Variants in INTS4 observed in about 807,000 individuals in gnomAD.
INTS4 encodes the protein integrator complex subunit 4.
A neutral mutation model predicts 119.5 loss-of-function variants in INTS4; 70 were observed. The ratio of observed to expected loss-of-function variants is 0.59; its 90% CI spans 0.48 to 0.71. The LOEUF is 0.71. INTS4 is among the 30% of genes least tolerant of loss of function. INTS4 has a pLI of 0.00. For synonymous variants in INTS4, 316 were observed against 419.6 expected, an observed-to-expected ratio of 0.75 and a Z score of 3.02; for missense variants, 867 against 1,173.2, an observed-to-expected ratio of 0.74 and a Z score of 3.81.
At chr11:77,973,801 T>C (rs182108171) in intron 4 of INTS4, among the ~76,000 whole-genome samples, 1 of 152,238 alleles carries the variant, frequency 6.6e-6, no homozygotes, top group African/African-American at 2.4e-5. Context: ...TCCCACTTGA[T>C]TATGGTATAT....
intron 16 of INTS4, among the ~76,000 whole-genome samples, chr11:77,906,400 C>T (rs1452246751): frequency 3.3e-5 from 5 of 152,134 alleles, no homozygotes; most frequent in Non-Finnish European, 7.3e-5. Flanking sequence ...ATTGAATAAC[C>T]AACAATTATG....
At chr11:77,909,972 G>C (rs1344828016) in intron 15 of INTS4, among the ~76,000 whole-genome samples, 2 of 152,044 alleles carry the variant, frequency 1.3e-5, no homozygotes, top group African/African-American at 2.4e-5. Context: ...TGGAGAAATA[G>C]GAACACTTTT....
chr11:77,928,586 G>A (rs1323767703), intron 10 of INTS4, 39 bp from the exon 11 acceptor site: 18 of 1,546,282 alleles, frequency 1.2e-5, no homozygotes, highest in Non-Finnish European at 1.6e-5. Context: ...ATCAGGCTGG[G>A]CACAGTGGCT....
At chr11:77,899,289 G>A (rs1184489233) in intron 18 of INTS4, among the ~76,000 whole-genome samples, 1 of 151,282 alleles carries the variant, frequency 6.6e-6, no homozygotes, top group African/African-American at 2.4e-5. Flanking sequence ...GAATTAGGGT[G>A]CATAACTTTC....
In INTS4 at chr11:77,960,190, T is replaced by C. The variant is rs763213673; in HGVS notation, c.708+151A>G. Reference sequence around the variant, plus strand: ...ACCTCCATTCTCTTCCTGAAAAGTATGTTTTGAATATGACTTCACATCCAT... The same window carrying C: ...ACCTCCATTCTCTTCCTGAAAAGTACGTTTTGAATATGACTTCACATCCAT... On this transcript the variant is annotated intron_variant, in intron 6 of 22. Coordinates refer to ENST00000534064, the MANE Select transcript of INTS4 (RefSeq NM_033547.4). The C allele has an allele frequency of 9.1e-6, 5 of 548,792 alleles. No homozygotes were observed. In the South Asian group the frequency reaches 1.7e-4, roughly 18 times the overall value. 34.0% of individuals were successfully genotyped at this position (548,792 alleles called of 1,614,324 possible). A position where few individuals can be genotyped will look rare whatever the true frequency, so the allele number is the denominator to read the frequency against.
intron 4 of INTS4, among the ~76,000 whole-genome samples, chr11:77,969,390 A>G (rs1177292137): frequency 1.3e-5 from 2 of 152,060 alleles, no homozygotes; most frequent in Non-Finnish European, 2.9e-5. Flanking sequence ...TTTATGAATG[A>G]ATGAATAAAT....
Position 77,920,292 on chromosome 11 carries a change from T to C in INTS4, c.1764+1048A>G, listed in dbSNP as rs192106520. 1.0e-3 allele frequency among the ~76,000 whole-genome samples: 128 copies of C among 123,506 alleles called. 1 individual carries two copies. The South Asian group carries it at 0.011, about 10-fold the overall frequency. The allele number at this position is 123,506 out of a possible 152,430, so 81.0% of individuals were successfully genotyped here. On this transcript the variant is annotated intron_variant, in intron 14 of 22. Coordinates refer to ENST00000534064, the MANE Select transcript of INTS4 (RefSeq NM_033547.4). ...ACATATATATACACATATATATATA[T>C]ACACACATATATATAAATGTTCCTC...
chr11:77,987,473 G>T, intron 2 of INTS4: 1 of 306,604 alleles, frequency 3.3e-6, no homozygotes, highest in Non-Finnish European at 6.6e-6. Flanking sequence ...GATGATTATT[G>T]GTAACAGATC....
chr11:77,923,491 T>A (rs117980989), intron 12 of INTS4, among the ~76,000 whole-genome samples: 15,296 of 152,152 alleles, frequency 0.1, 1,156 homozygotes, highest in East Asian at 0.26. Flanking sequence ...GGCAAAAACA[T>A]TCTGATTGAT....
downstream of INTS4, among the ~76,000 whole-genome samples, chr11:77,876,252 G>C (rs974921359): frequency 6.6e-6 from 1 of 152,152 alleles, no homozygotes; most frequent in Non-Finnish European, 1.5e-5. Context: ...CCCCTGTGAT[G>C]AAAGTCACCT....
intron 9 of INTS4, among the ~76,000 whole-genome samples, chr11:77,940,844 G>A (rs1312945535): frequency 2.6e-5 from 4 of 151,992 alleles, no homozygotes; most frequent in South Asian, 2.1e-4. Context: ...CATGTTGGCC[G>A]GGCTGGTCTC....
At chr11:77,959,238 T>A (rs1224897293) in intron 6 of INTS4, among the ~76,000 whole-genome samples, 3 of 152,184 alleles carry the variant, frequency 2.0e-5, no homozygotes, top group African/African-American at 7.2e-5. Flanking sequence ...TTCAATCCAC[T>A]CACTCTTTCT....
chr11:77,994,557 G>A, intron 1 of INTS4, 33 bp downstream of exon 1: 1 of 1,527,036 alleles, frequency 6.5e-7, no homozygotes, highest in South Asian at 1.1e-5. Context: ...CCCTGGTCCG[G>A]ATCGGTTCTG....
At chr11:77,984,272 C>T (rs1856367860) in intron 2 of INTS4, among the ~76,000 whole-genome samples, 1 of 152,120 alleles carries the variant, frequency 6.6e-6, no homozygotes, top group Admixed American at 6.5e-5. Context: ...GCAGGCAGAT[C>T]ACCCTACGTC....
At chr11:77,925,861 C>T (rs1487501078) in intron 11 of INTS4, among the ~76,000 whole-genome samples, 1 of 152,198 alleles carries the variant, frequency 6.6e-6, no homozygotes, top group Non-Finnish European at 1.5e-5. Flanking sequence ...GTTGCCTCTA[C>T]CTGAAGTTAT....
intron 8 of INTS4, among the ~76,000 whole-genome samples, chr11:77,945,714 C>T (rs1462080242): frequency 2.0e-5 from 3 of 152,172 alleles, no homozygotes; most frequent in Non-Finnish European, 4.4e-5. Context: ...AAAGCCAATC[C>T]TGCGGCAGCC....
chr11:77,901,244 A>G (rs1165218497), intron 18 of INTS4, 177 bp downstream of exon 18: 7 of 731,932 alleles, frequency 9.6e-6, no homozygotes, highest in Non-Finnish European at 1.6e-5. Context: ...CAAGGGTCTA[A>G]TCTGATCCAA....
chr11:77,916,580 TTCAC>T (rs1953209473), intron 15 of INTS4, among the ~76,000 whole-genome samples: 1 of 152,226 alleles, frequency 6.6e-6, no homozygotes, highest in African/African-American at 2.4e-5. Flanking sequence ...CAAAGCTCCA[TTCAC>T]TCAATCACTA....
At chr11:77,904,043 C>A (rs1358520571) in intron 16 of INTS4, among the ~76,000 whole-genome samples, 4 of 152,180 alleles carry the variant, frequency 2.6e-5, no homozygotes, top group Non-Finnish European at 4.4e-5. Flanking sequence ...ATGTTGTAAG[C>A]CCCAACCACT....
Sources: allele counts gnomAD v4.1 joint callset (sites outside exome capture counted in the v4.1 genomes callset), GRCh38; gene constraint gnomAD v4.1.1; transcripts MANE v1.5; gene names NCBI Gene and HGNC (gene_info 2026-07-23, HGNC 2026-07-21).